Variants in ANKAR observed in about 807,000 individuals in gnomAD.
ANKAR encodes ankyrin and armadillo repeat-containing protein.
ANKAR carries 136 observed loss-of-function variants against 146.2 expected under a neutral mutation model. That is an observed-to-expected ratio of 0.93 (90% CI 0.81 to 1.07). ANKAR has a LOEUF of 1.07. ANKAR is among the 50% of genes least tolerant of loss of function. ANKAR has a pLI of 0.00. For synonymous variants in ANKAR, 500 were observed against 575.8 expected (o/e 0.87, Z 1.88); for missense variants, 1,567 against 1,679.9 (o/e 0.93, Z 1.18).
intron 2 of ANKAR, among the ~76,000 whole-genome samples, chr2:189,681,538 A>G (rs940528222): frequency 6.6e-6 from 1 of 152,210 alleles, no homozygotes; most frequent in African/African-American, 2.4e-5. Flanking sequence ...AACAGAGAGC[A>G]CCAAAGGACT....
Position 189,737,672 on chromosome 2 carries a change from C to T in ANKAR, c.3424-11C>T, listed in dbSNP as rs2042977991. 1.3e-6 allele frequency: 2 copies of T among 1,578,722 alleles called. No individual in the cohort carries two copies. The highest frequency in any genetic ancestry group is 1.7e-6 in the Non-Finnish European group (2 of 1,170,218). The stretch of plus-strand genomic sequence containing the variant: ...GAAGTTCACCATAATGCCTGTTTCT[C>T]CTATTTTTAGGATATTTGCTTAAGA... On this transcript the variant is annotated splice_polypyrimidine_tract_variant and intron_variant, in intron 17 of 22. Coordinates refer to ENST00000684021, the MANE Select transcript of ANKAR (RefSeq NM_001378068.1).
chr2:189,689,597 A>G lies in ANKAR; in HGVS notation c.672A>G (p.Thr224=). ...ATGAAGACGTGAATGAAGATCCAAC[A>G]TATGATCCCAACAGCCCTGAAGAAA... The part of the protein sequence containing the change: ...IYDEDVNEDP[T]YDPNSPEETA... The change falls in exon 3 of 23, where the codon ACA becomes ACG. Residue 224 remains threonine, a synonymous_variant. Coordinates refer to ENST00000684021, the MANE Select transcript of ANKAR (RefSeq NM_001378068.1). 1 of 1,613,404 alleles carries G rather than the reference A, an allele frequency of 6.2e-7. No homozygotes were observed. Among genetic ancestry groups the G allele is most frequent in the Non-Finnish European group, 8.5e-7 (1 of 1,179,730 alleles).
chr2:189,723,927 TG>T (rs1439282530), intron 12 of ANKAR, among the ~76,000 whole-genome samples: 1 of 152,192 alleles, frequency 6.6e-6, no homozygotes, highest in Non-Finnish European at 1.5e-5. Context: ...TTTCAGAATT[TG>T]GGTCCAAATG....
intron 9 of ANKAR, 73 bp from the exon 10 acceptor site, chr2:189,710,975 CA>C (rs1559099279): frequency 8.4e-6 from 11 of 1,305,724 alleles, no homozygotes; most frequent in South Asian, 1.3e-5. Flanking sequence ...TTAGCTGGTA[CA>C]AAAAACAGAA....
At chr2:189,759,750 T>C (rs1325109202) in intron 18 of ANKAR, among the ~76,000 whole-genome samples, 2 of 151,964 alleles carry the variant, frequency 1.3e-5, no homozygotes, top group African/African-American at 2.4e-5. Flanking sequence ...TATTCTTATT[T>C]ATTTATTTAT....
intron 10 of ANKAR, among the ~76,000 whole-genome samples, chr2:189,716,798 C>G (rs1455383481): frequency 6.6e-6 from 1 of 151,688 alleles, no homozygotes; most frequent in Non-Finnish European, 1.5e-5. Context: ...CATCTACAAC[C>G]ATCTGATCTT....
At chr2:189,720,567 A>T (rs1219664974) in intron 11 of ANKAR, 52 bp from the exon 12 acceptor site, 3 of 1,239,016 alleles carry the variant, frequency 2.4e-6, no homozygotes, top group African/African-American at 1.6e-5. Flanking sequence ...CTAAATAAAG[A>T]TTACATTTAT....
downstream of ANKAR, among the ~76,000 whole-genome samples, chr2:189,749,244 TAAAAAAAAAAAAA>T (rs397987026): frequency 1.6e-5 from 1 of 63,254 alleles, no homozygotes; most frequent in South Asian, 8.9e-4. Flanking sequence ...AGACTCTGTC[TAAAAAAAAAAAAA>T]AAAAAAAAAA....
In ANKAR at chr2:189,686,908, T is replaced by A. The variant is rs1351762895; in HGVS notation, c.602-2619T>A. Among the ~76,000 whole-genome samples the A allele has an allele frequency of 2.0e-5, 3 of 152,220 alleles. No individual in the cohort carries two copies. In the East Asian group the frequency reaches 5.8e-4, roughly 29 times the overall value. On this transcript the variant is annotated intron_variant, in intron 2 of 22. Transcript: ENST00000684021. ...TTTTCACACGGCATACAATGCCTAA[T>A]AATCACATCAGGGTAAATGGAGTAT...
chr2:189,734,023 T>C (rs1000846175), intron 17 of ANKAR, among the ~76,000 whole-genome samples: 2 of 152,166 alleles, frequency 1.3e-5, no homozygotes, highest in Non-Finnish European at 2.9e-5. Context: ...CAATTTGACC[T>C]TGATGTTTTC....
At chr2:189,717,758 T>C (rs2040681176) in intron 10 of ANKAR, among the ~76,000 whole-genome samples, 1 of 152,088 alleles carries the variant, frequency 6.6e-6, no homozygotes. Context: ...TATGCAGCCA[T>C]AAAAAAGGAT....
At chr2:189,729,163 T>A (rs574114104) in intron 15 of ANKAR, among the ~76,000 whole-genome samples, 1 of 152,222 alleles carries the variant, frequency 6.6e-6, no homozygotes, top group South Asian at 2.1e-4. Context: ...TTTGAAGATA[T>A]AGAAGAGTTT....
intron 2 of ANKAR, among the ~76,000 whole-genome samples, chr2:189,680,012 A>G (rs1182860998): frequency 2.0e-5 from 3 of 152,192 alleles, no homozygotes; most frequent in Non-Finnish European, 4.4e-5. Flanking sequence ...GAATAGTTTC[A>G]GTAAGACTGA....
At chr2:189,752,267 T>A (rs747529823) in intron 18 of ANKAR, among the ~76,000 whole-genome samples, 1 of 152,220 alleles carries the variant, frequency 6.6e-6, no homozygotes, top group Non-Finnish European at 1.5e-5. Flanking sequence ...AAGAGCATAA[T>A]CACAACCCAC....
At position 189,746,591 on chromosome 2, in the gene ANKAR, T is replaced by C. The variant is rs1463036391; in HGVS notation, c.4269T>C (p.His1423=). The C allele has an allele frequency of 1.9e-6, 3 of 1,612,344 alleles. No homozygotes were observed. The highest frequency in any genetic ancestry group is 2.2e-5 in the East Asian group (1 of 44,814). The change falls in exon 23 of 23, where the codon CAT becomes CAC. Residue 1423 remains histidine (H), a synonymous_variant. Coordinates refer to ENST00000684021, the MANE Select transcript of ANKAR (RefSeq NM_001378068.1). ...TGTGTTTGAACCAACTTGGGAAACA[T>C]GTCCAGAAAGCCAACCCAGAGCCTG... ...RIVCLNQLGK[H]VQKANPEPAE...
chr2:189,685,544 T>C (rs2105774524), intron 2 of ANKAR, among the ~76,000 whole-genome samples: 1 of 152,294 alleles, frequency 6.6e-6, no homozygotes, highest in East Asian at 1.9e-4. Context: ...GTAATTCCAG[T>C]GCTTCTTTCA....
chr2:189,738,331 T>C (rs2043026905), intron 18 of ANKAR, among the ~76,000 whole-genome samples: 1 of 152,080 alleles, frequency 6.6e-6, no homozygotes, highest in African/African-American at 2.4e-5. Flanking sequence ...GGTGCAAAAG[T>C]TGCAAACATT....
chr2:189,682,343 A>G (rs2034841888), intron 2 of ANKAR, among the ~76,000 whole-genome samples: 1 of 152,158 alleles, frequency 6.6e-6, no homozygotes, highest in African/African-American at 2.4e-5. Flanking sequence ...TACACCTAGT[A>G]GAAATATTTT....
intron 18 of ANKAR, among the ~76,000 whole-genome samples, chr2:189,758,042 T>C (rs943120288): frequency 5.3e-5 from 8 of 152,182 alleles, no homozygotes; most frequent in Non-Finnish European, 7.3e-5. Context: ...TATTTTCCCC[T>C]TGGTACTGTG....
Sources: gnomAD v4.1 joint callset for allele counts (sites outside exome capture counted in the v4.1 genomes callset) on GRCh38, gnomAD v4.1.1 for gene constraint, MANE v1.5 for transcripts, NCBI Gene and HGNC (gene_info 2026-07-23, HGNC 2026-07-21) for gene names.